GLTP: variants seen among roughly 807,000 people sequenced by gnomAD.
The protein encoded by GLTP is glycolipid transfer protein.
GLTP carries 22 observed loss-of-function variants against 24.0 expected under a neutral mutation model. The observed-to-expected ratio is 0.92, with a 90% CI of 0.65 to 1.31. The LOEUF (loss-of-function observed/expected upper bound fraction) is 1.31. GLTP is among the 50% of genes most tolerant of loss of function. The probability of loss-of-function intolerance (pLI) is 0.00; values close to 1 mark genes in which losing one functional copy is unlikely to be tolerated. For missense variants in GLTP, 224 were observed against 276.6 expected, an observed-to-expected ratio of 0.81 and a Z score of 1.35; for synonymous variants, 92 against 115.9, an observed-to-expected ratio of 0.79 and a Z score of 1.33.
chr12:109,858,192 A>G (rs1438662271), intron 2 of GLTP: 2 of 457,208 alleles, frequency 4.4e-6, no homozygotes, highest in South Asian at 3.1e-5. Flanking sequence ...CAGCTTCCTC[A>G]TCTGTAAAAA....
Position 109,857,976 on chromosome 12 carries a change from T to C in GLTP, c.163-317A>G, listed in dbSNP as rs1238442253. 11 of 438,510 alleles carry C rather than the reference T, an allele frequency of 2.5e-5. No individual in the cohort carries two copies. Among genetic ancestry groups the C allele is most frequent in the Non-Finnish European group, 3.5e-5 (8 of 230,282 alleles). 27.2% of individuals were successfully genotyped at this position (438,510 alleles called of 1,614,324 possible). Reference sequence around the variant, plus strand: ...GGTCACACAGTTGGTACAGAGTTCATGTTCTCCAGCCACTACTGACACTGC... The same window carrying C: ...GGTCACACAGTTGGTACAGAGTTCACGTTCTCCAGCCACTACTGACACTGC... On this transcript the variant is annotated intron_variant, in intron 2 of 4. Coordinates refer to ENST00000318348, the MANE Select transcript of GLTP (RefSeq NM_016433.4). This position sits in a 1 kb window ranked among gnomAD's most constrained non-coding sequence, Gnocchi z 4.3.
At chr12:109,879,834 T>TG (rs1253891152) in intron 1 of GLTP, among the ~76,000 whole-genome samples, 1 of 151,464 alleles carries the variant, frequency 6.6e-6, no homozygotes, top group African/African-American at 2.4e-5. Context: ...GCTTATGAAA[T>TG]GGGGGGATTC....
At chr12:109,854,405 T>G (rs918910959) in intron 4 of GLTP, among the ~76,000 whole-genome samples, 4 of 151,032 alleles carry the variant, frequency 2.6e-5, no homozygotes, top group African/African-American at 7.3e-5. Context: ...TTTGATGTAC[T>G]GAGTGTAAAC....
Position 109,852,209 on chromosome 12 carries a change from G to A in GLTP, c.*346C>T, listed in dbSNP as rs181363396. ...CCATTCCCCCAGAGCTGTGTTCCTC[G>A]TTGGCAACAAAACAAAACCAAAAAA... is the stretch of plus-strand genomic sequence containing the variant. On this transcript the variant is annotated 3_prime_UTR_variant, in exon 5 of 5. Transcript: ENST00000318348. The A allele has an allele frequency of 5.8e-4, 100 of 172,604 alleles. No individual in the cohort carries two copies. In the Middle Eastern group the frequency reaches 8.0e-3, roughly 14 times the overall value. 10.7% of individuals were successfully genotyped at this position (172,604 alleles called of 1,614,324 possible).
intron 4 of GLTP, among the ~76,000 whole-genome samples, chr12:109,854,854 C>T (rs546039945): frequency 6.6e-6 from 1 of 152,328 alleles, no homozygotes; most frequent in African/African-American, 2.4e-5. Flanking sequence ...TGGAACCATA[C>T]TGGCTTCTGC....
intron 1 of GLTP, among the ~76,000 whole-genome samples, chr12:109,876,074 G>A (rs968772618): frequency 3.3e-5 from 5 of 152,198 alleles, no homozygotes; most frequent in African/African-American, 1.2e-4. Context: ...CAGGTGCAGT[G>A]GCTCACACCT....
intron 2 of GLTP, among the ~76,000 whole-genome samples, chr12:109,858,467 T>C (rs1012444227): frequency 3.3e-5 from 5 of 152,198 alleles, no homozygotes; most frequent in Admixed American, 3.3e-4. Flanking sequence ...TAGACTTTGG[T>C]TCCAGTCAGG....
chr12:109,867,083 T>G (rs767400488), intron 1 of GLTP, among the ~76,000 whole-genome samples: 10 of 151,094 alleles, frequency 6.6e-5, no homozygotes, highest in African/African-American at 1.5e-4. Context: ...TGGCCAACTT[T>G]GTGTATTTTT....
chr12:109,869,336 A>C (rs1399956075), intron 1 of GLTP, among the ~76,000 whole-genome samples: 1 of 150,834 alleles, frequency 6.6e-6, no homozygotes, highest in Admixed American at 6.6e-5. Context: ...AAAGAAAGAA[A>C]GAAAGAGAAA....
rs1241771070 is a variant in GLTP, at chr12:109,852,749, C to A, written c.448-12G>T. 1 of 1,598,228 alleles carries A rather than the reference C, an allele frequency of 6.3e-7. No homozygotes were observed. Among genetic ancestry groups the A allele is most frequent in the Non-Finnish European group, 8.6e-7 (1 of 1,167,012 alleles). ...GCGTACAGTGCTGCCTTGAGACAGG[C>A]AAGAAGGGAGGTAGGCACAGCGTTA... On this transcript the variant is annotated splice_polypyrimidine_tract_variant and intron_variant, in intron 4 of 4. Coordinates refer to ENST00000318348, the MANE Select transcript of GLTP (RefSeq NM_016433.4).
At chr12:109,863,969 C>T (rs1868443045) in intron 1 of GLTP, among the ~76,000 whole-genome samples, 1 of 152,210 alleles carries the variant, frequency 6.6e-6, no homozygotes, top group African/African-American at 2.4e-5. Flanking sequence ...AGCAGCCCTG[C>T]CCTGGTGGCA....
intron 1 of GLTP, among the ~76,000 whole-genome samples, chr12:109,873,242 C>T (rs1592894256): frequency 6.6e-6 from 1 of 151,672 alleles, no homozygotes; most frequent in Admixed American, 6.6e-5. Flanking sequence ...TCCCAAATCT[C>T]AGAGGATGCT....
intron 1 of GLTP, among the ~76,000 whole-genome samples, chr12:109,871,244 G>T (rs1868712463): frequency 6.6e-6 from 1 of 151,700 alleles, no homozygotes; most frequent in African/African-American, 2.4e-5. Context: ...CACCACACCT[G>T]GCCAATTTTT....
At chr12:109,874,841 C>A (rs565635946) in intron 1 of GLTP, among the ~76,000 whole-genome samples, 1 of 152,316 alleles carries the variant, frequency 6.6e-6, no homozygotes, top group South Asian at 2.1e-4. Flanking sequence ...CTCACTGCAA[C>A]CTCCGCCTCC....
intron 1 of GLTP, among the ~76,000 whole-genome samples, chr12:109,861,725 C>T (rs557257752): frequency 2.6e-4 from 38 of 146,818 alleles, no homozygotes; most frequent in African/African-American, 7.6e-4. Context: ...TCCAGCCTGG[C>T]GACAGAGCAA....
At chr12:109,853,266 G>C (rs1480907156) in intron 4 of GLTP, among the ~76,000 whole-genome samples, 6 of 152,098 alleles carry the variant, frequency 3.9e-5, no homozygotes, top group African/African-American at 1.4e-4. Context: ...TAAATATGCT[G>C]TAGTCTCTCT....
chr12:109,877,398 T>G (rs1868922908), intron 1 of GLTP, among the ~76,000 whole-genome samples: 1 of 152,226 alleles, frequency 6.6e-6, no homozygotes, highest in Admixed American at 6.5e-5. Flanking sequence ...AATTAAATAC[T>G]TTTTAAAAAC....
chr12:109,855,663 C>A lies in GLTP; in HGVS notation c.403G>T (p.Ala135Ser), dbSNP rs756801897. Reference protein sequence around the residue: ...RVNATKAYEMALKKYHGWIVQ... With the variant: ...RVNATKAYEMSLKKYHGWIVQ... ...ATCCAGCCATGGTACTTCTTGAGGG[C>A]CATCTCGTAGGCCTTGGTGGCGTTG... Residue 135 changes from alanine (A) to serine (S), a missense_variant, in exon 4 of 5, where the codon GCC (alanine) becomes TCC (serine). By Grantham distance (99) the Ala-to-Ser change is moderately conservative (BLOSUM62 1). Transcript: ENST00000318348. This position sits in a 1 kb window ranked among gnomAD's most constrained non-coding sequence, Gnocchi z 4.1. The A allele has an allele frequency of 9.4e-6, 15 of 1,602,790 alleles. No individual in the cohort carries two copies. The East Asian group carries it at 3.2e-4, about 34-fold the overall frequency.
intron 1 of GLTP, among the ~76,000 whole-genome samples, chr12:109,879,311 A>C (rs1304516071): frequency 2.6e-5 from 4 of 152,168 alleles, no homozygotes; most frequent in Admixed American, 2.6e-4. Flanking sequence ...AGGAGAATAG[A>C]GGCTCAGGTT....
Sources: gnomAD v4.1 joint callset for allele counts (sites outside exome capture counted in the v4.1 genomes callset) on GRCh38, gnomAD v4.1.1 for gene constraint, Gnocchi (gnomAD v3.1) non-coding constraint, MANE v1.5 for transcripts, NCBI Gene and HGNC (gene_info 2026-07-23, HGNC 2026-07-21) for gene names.